Variants in TM2D1 observed in about 807,000 individuals in gnomAD.
TM2D1 encodes TM2 domain containing 1.
In TM2D1, 15 loss-of-function variants were observed where a neutral mutation model predicts 28.4. The observed-to-expected ratio is 0.53, with a 90% confidence interval of 0.35 to 0.81. The LOEUF (loss-of-function observed/expected upper bound fraction) is 0.81, where lower values mean the gene tolerates loss of function less well. Among genes scored for constraint, TM2D1 ranks in the 40% least tolerant of loss-of-function variants. The pLI is 0.01. For synonymous variants in TM2D1, 93 were observed against 96.2 expected (o/e 0.97, Z 0.20); for missense variants, 236 against 254.9 (o/e 0.93, Z 0.50).
intron 2 of TM2D1, among the ~76,000 whole-genome samples, chr1:61,721,475 G>T (rs1043381464): frequency 1.3e-5 from 2 of 150,496 alleles, no homozygotes; most frequent in African/African-American, 4.9e-5. Context: ...CCGGGAGGCA[G>T]AGGTTGCAAT....
chr1:61,715,876 A>G (rs1335935096), intron 2 of TM2D1, among the ~76,000 whole-genome samples: 6 of 150,452 alleles, frequency 4.0e-5, no homozygotes, highest in African/African-American at 1.5e-4. Context: ...ATCTCGGCTC[A>G]CTGCAAGCTC....
At chr1:61,709,547 A>G (rs911105534) in intron 2 of TM2D1, 110 bp from the exon 3 acceptor site, 4 of 723,386 alleles carry the variant, frequency 5.5e-6, no homozygotes, top group Non-Finnish European at 9.6e-6. Context: ...CCAATATAAC[A>G]TGACACAAGC....
chr1:61,698,164 T>G (rs1372252968), intron 4 of TM2D1: 1 of 152,192 alleles, frequency 6.6e-6, no homozygotes, highest in African/African-American at 2.4e-5. Context: ...TGTTTCTAGT[T>G]TTTTTTGATA....
At chr1:61,722,800 G>C (rs1644578109) in intron 2 of TM2D1, among the ~76,000 whole-genome samples, 2 of 152,300 alleles carry the variant, frequency 1.3e-5, no homozygotes, top group Admixed American at 1.3e-4. Context: ...ACATAAAGAA[G>C]AGTTAGTTCT....
intron 2 of TM2D1, among the ~76,000 whole-genome samples, chr1:61,721,865 T>A (rs1644567170): frequency 6.7e-6 from 1 of 149,820 alleles, no homozygotes; most frequent in African/African-American, 2.5e-5. Flanking sequence ...ATCCCACCAC[T>A]TTAGGAGACC....
intron 5 of TM2D1, among the ~76,000 whole-genome samples, chr1:61,693,967 A>C (rs538309400): frequency 6.6e-6 from 1 of 152,316 alleles, no homozygotes; most frequent in South Asian, 2.1e-4. Context: ...TGGCACTTTT[A>C]AATGTTTAAG....
chr1:61,706,866 T>G (rs951702390), intron 3 of TM2D1, among the ~76,000 whole-genome samples: 10 of 80,510 alleles, frequency 1.2e-4, no homozygotes, highest in Non-Finnish European at 2.7e-4. Flanking sequence ...AAGAAAGAAA[T>G]AGTAAACTTT....
chr1:61,724,525 T>G (rs527320208), intron 1 of TM2D1: 21 of 161,404 alleles, frequency 1.3e-4, no homozygotes, highest in Non-Finnish European at 2.6e-4. Context: ...ATACATAAAG[T>G]TAATGATAAA....
rs1164461954 is a variant in TM2D1 at position 61,709,370 on chromosome 1, C to T, written c.306G>A (p.Gly102=). 1 of 1,601,930 alleles carries T rather than the reference C, an allele frequency of 6.2e-7. No homozygotes were observed. Among genetic ancestry groups the T allele is most frequent in the African/African-American group, 1.3e-5 (1 of 74,612 alleles). Residue 102 remains glycine (G), a synonymous_variant, in exon 3 of 7, where the codon GGG becomes GGA. Transcript: ENST00000606498. The part of the protein sequence containing the change: ...DSSGNETHFT[G]NEVGFFKPIS... ...TGGGCTTGAAAAAACCAACTTCGTT[C>T]CCAGTAAAATGTGTTTCATTGCCAC...
intron 5 of TM2D1, among the ~76,000 whole-genome samples, chr1:61,688,945 G>A (rs542718653): frequency 2.1e-4 from 30 of 142,124 alleles, no homozygotes; most frequent in South Asian, 9.0e-4. Context: ...GCTGAGGCAG[G>A]AGAATTGCTT....
intron 3 of TM2D1, among the ~76,000 whole-genome samples, chr1:61,708,751 G>A (rs1016294378): frequency 3.9e-5 from 6 of 152,080 alleles, no homozygotes; most frequent in South Asian, 2.1e-4. Context: ...TCAATTAGTG[G>A]CATAAACTAA....
At chr1:61,712,214 T>C (rs2148059956) in intron 2 of TM2D1, among the ~76,000 whole-genome samples, 1 of 152,238 alleles carries the variant, frequency 6.6e-6, no homozygotes, top group South Asian at 2.1e-4. Flanking sequence ...CCCACAACAA[T>C]GAATTACCCA....
intron 2 of TM2D1, among the ~76,000 whole-genome samples, chr1:61,712,910 T>C (rs1247502071): frequency 1.3e-5 from 2 of 151,602 alleles, no homozygotes; most frequent in Admixed American, 6.6e-5. Context: ...CTGGGCACAG[T>C]GACTCATGCC....
chr1:61,688,367 C>A (rs1326544369), intron 5 of TM2D1, among the ~76,000 whole-genome samples: 1 of 152,092 alleles, frequency 6.6e-6, no homozygotes, highest in Non-Finnish European at 1.5e-5. Flanking sequence ...TTTATTTTCC[C>A]AATATATCAC....
intron 2 of TM2D1, among the ~76,000 whole-genome samples, chr1:61,720,700 AAT>A (rs1644557133): frequency 6.6e-6 from 1 of 152,226 alleles, no homozygotes; most frequent in African/African-American, 2.4e-5. Context: ...AAATTGTCTT[AAT>A]AAAGTAAATT....
At chr1:61,691,495 CAAAAA>C (rs1183951634) in intron 5 of TM2D1, among the ~76,000 whole-genome samples, 2 of 39,348 alleles carry the variant, frequency 5.1e-5, no homozygotes, top group Non-Finnish European at 1.0e-4. Flanking sequence ...AACTCCATCT[CAAAAA>C]AAAAAAAAAA....
chr1:61,709,463 T>C (rs1486190255), intron 2 of TM2D1, 26 bp from the exon 3 acceptor site: 3 of 1,528,370 alleles, frequency 2.0e-6, no homozygotes, highest in African/African-American at 1.4e-5. Flanking sequence ...GTCAAGAAAC[T>C]GTTATTTTTT....
chr1:61,692,248 T>C (rs1296359148), intron 5 of TM2D1, among the ~76,000 whole-genome samples: 4 of 151,772 alleles, frequency 2.6e-5, no homozygotes, highest in South Asian at 2.1e-4. Flanking sequence ...TCAGGAAACA[T>C]AGCAACATGT....
chr1:61,682,158 T>C lies in TM2D1; in HGVS notation c.*20-808A>G, dbSNP rs530285515. 3.3e-5 allele frequency among the ~76,000 whole-genome samples: 5 copies of C among 152,292 alleles called. No homozygotes were observed. In the East Asian group the frequency reaches 9.6e-4, roughly 29 times the overall value. ...GGGCAAAAGTATACTTCATATCCTG[T>C]TTCTGTTCTACAAGACAGAAAACAA... On this transcript the variant is annotated intron_variant, in intron 6 of 6. Coordinates refer to ENST00000606498, the MANE Select transcript of TM2D1 (RefSeq NM_032027.3).
Sources: gnomAD v4.1 joint callset for allele counts (sites outside exome capture counted in the v4.1 genomes callset) on GRCh38, gnomAD v4.1.1 for gene constraint, MANE v1.5 for transcripts, NCBI Gene and HGNC (gene_info 2026-07-23, HGNC 2026-07-21) for gene names.